The following ABR variants were observed in gnomAD, a reference collection of about 807,000 sequenced individuals.
ABR encodes the protein active breakpoint cluster region-related protein.
Under a neutral mutation model 107.2 loss-of-function variants are expected in ABR, and 35 were observed. That is an observed-to-expected ratio of 0.33 (90% CI 0.25 to 0.43). The LOEUF (loss-of-function observed/expected upper bound fraction) is 0.43, where lower values mean the gene tolerates loss of function less well. Among genes scored for constraint, ABR ranks in the 20% least tolerant of loss-of-function variants. ABR has a pLI of 1.00. For synonymous variants in ABR, 498 were observed against 462.0 expected (o/e 1.08, Z -1.00); for missense variants, 815 against 1,115.2 (o/e 0.73, Z 3.83).
intron 16 of ABR, among the ~76,000 whole-genome samples, chr17:1,043,577 A>G (rs2031034860): frequency 6.6e-6 from 1 of 152,046 alleles, no homozygotes; most frequent in African/African-American, 2.4e-5. Context: ...CCCAGGCTGG[A>G]GTACAGTAGC....
rs551401142 is a variant in ABR, at chr17:1,079,141, G to A, written c.700+189C>T. The A allele has an allele frequency of 2.2e-5, 31 of 1,436,986 alleles. 1 individual carries two copies. The highest frequency in any genetic ancestry group is 1.9e-4 in the Admixed American group (7 of 36,532). The allele number at this position is 1,436,986 out of a possible 1,614,324, so 89.0% of individuals were successfully genotyped here. ...TGTAGCTGGCTGGCTGCCTGGGCAC[G>A]AGGCTAGAGTCCTCGCGTGCGCGCA... On this transcript the variant is annotated intron_variant, in intron 6 of 22. Transcript: ENST00000302538.
intron 16 of ABR, among the ~76,000 whole-genome samples, chr17:1,034,642 G>A (rs2073033283): frequency 6.6e-6 from 1 of 152,082 alleles, no homozygotes; most frequent in African/African-American, 2.4e-5. Flanking sequence ...CTGGGTCCCA[G>A]CTTTACTCTA....
At chr17:1,023,373 C>A (rs947333222) in intron 16 of ABR, among the ~76,000 whole-genome samples, 1 of 152,238 alleles carries the variant, frequency 6.6e-6, no homozygotes, top group African/African-American at 2.4e-5. Flanking sequence ...TCAGGGCCAG[C>A]CCACCCCACC....
In ABR at chr17:1,125,180, T is replaced by C; in HGVS notation, c.246+3A>G. 1 of 1,569,592 alleles carries C rather than the reference T, an allele frequency of 6.4e-7. No homozygotes were observed. The highest frequency in any genetic ancestry group is 1.2e-5 in the South Asian group (1 of 85,120). ...ACCCAGAAAGAAAAGCCGGTGTACC[T>C]ACCCCAGGAGCCAGTCCCTCAGGTG... On this transcript the variant is annotated splice_donor_region_variant and intron_variant, in intron 2 of 22. Transcript: ENST00000302538.
intron 16 of ABR, among the ~76,000 whole-genome samples, chr17:1,035,681 G>C (rs760392534): frequency 1.3e-5 from 1 of 78,196 alleles, no homozygotes; most frequent in Non-Finnish European, 2.5e-5. Flanking sequence ...AGACTCCCCC[G>C]GCTGGATAAA....
At chr17:1,053,738 C>T (rs1337745416) in intron 14 of ABR, among the ~76,000 whole-genome samples, 4 of 152,110 alleles carry the variant, frequency 2.6e-5, no homozygotes, top group Admixed American at 6.5e-5. Context: ...CCGGCTCTGA[C>T]ACCCGCCCAG....
At position 1,058,716 on chromosome 17, in the gene ABR, G is replaced by C. The variant is rs201061780; in HGVS notation, c.1305+29C>G. On this transcript the variant is annotated intron_variant, in intron 11 of 22. Transcript: ENST00000302538. ...GCTGCTCTGGACTAAGGAAGGGGCT[G>C]TCTTGGTCCCACCCCCACCCATCCT... 2.5e-6 allele frequency: 4 copies of C among 1,612,436 alleles called. No homozygotes were observed. In the East Asian group the frequency reaches 6.7e-5, roughly 27 times the overall value.
At chr17:1,061,342 G>A (rs922664843) in intron 10 of ABR, among the ~76,000 whole-genome samples, 1 of 152,190 alleles carries the variant, frequency 6.6e-6, no homozygotes, top group Non-Finnish European at 1.5e-5. Flanking sequence ...TCAGGAGGGG[G>A]ACAGCTGTGC....
At chr17:1,020,334 C>A (rs542620862) in intron 16 of ABR, among the ~76,000 whole-genome samples, 1 of 152,208 alleles carries the variant, frequency 6.6e-6, no homozygotes, top group Non-Finnish European at 1.5e-5. Context: ...CCACCCGCCT[C>A]GGCCTCCCAA....
chr17:1,018,156 C>T lies in ABR; in HGVS notation c.1792-4992G>A, dbSNP rs1426234996. Among the ~76,000 whole-genome samples, 7 of 152,258 alleles carry T rather than the reference C, an allele frequency of 4.6e-5. No individual in the cohort carries two copies. In the East Asian group the frequency reaches 7.7e-4, roughly 17 times the overall value. On this transcript the variant is annotated intron_variant, in intron 16 of 22. Transcript: ENST00000302538. ...CTCCCGGGTTCACGCCATTCTCCTG[C>T]CTCAGCCTCCTGAGTAGCTGGGACT...
chr17:1,214,249 G>A (rs1209789974), intron 1 of ABR, among the ~76,000 whole-genome samples: 1 of 145,470 alleles, frequency 6.9e-6, no homozygotes, highest in African/African-American at 2.6e-5. Flanking sequence ...TAAACCTAAA[G>A]ATAAGCTAAC....
rs541314691 is a variant in ABR, at chr17:1,148,722, C to T, written c.62-23355G>A. The stretch of plus-strand genomic sequence containing the variant: ...GTGGAAAAAGTGTCTTCCACGAAGC[C>T]GGTCCCTGGTGCGCTGGTTTCACAG... On this transcript the variant is annotated intron_variant, in intron 1 of 22. Transcript: ENST00000302538. This position sits in a 1 kb window ranked among gnomAD's most constrained non-coding sequence, Gnocchi z 4.9. 2.0e-4 allele frequency among the ~76,000 whole-genome samples: 30 copies of T among 152,264 alleles called. No homozygotes were observed. The highest frequency in any genetic ancestry group is 5.2e-4 in the Admixed American group (8 of 15,294).
upstream of ABR, among the ~76,000 whole-genome samples, chr17:1,183,948 T>A (rs35772501): frequency 6.6e-6 from 1 of 152,066 alleles, no homozygotes; most frequent in African/African-American, 2.4e-5. Context: ...CGGTGGCTCA[T>A]GCCTGTAATC....
chr17:1,056,592 C>T (rs935495062), intron 13 of ABR, among the ~76,000 whole-genome samples: 3 of 152,086 alleles, frequency 2.0e-5, no homozygotes, highest in Non-Finnish European at 4.4e-5. Flanking sequence ...CTGCTCAAAA[C>T]CCCCCCAGAC....
At chr17:1,223,605 T>C (rs9747893) in intron 1 of ABR, among the ~76,000 whole-genome samples, 69,112 of 151,916 alleles carry the variant, frequency 0.45, 16,202 homozygotes, top group Middle Eastern at 0.51. Flanking sequence ...CACCTGTATT[T>C]GTCCGTGTTC....
At chr17:1,213,971 T>A (rs548881246) in intron 1 of ABR, among the ~76,000 whole-genome samples, 32 of 152,064 alleles carry the variant, frequency 2.1e-4, no homozygotes, top group African/African-American at 6.5e-4. Flanking sequence ...CACTGCATCC[T>A]CCGCCTCCCG....
At chr17:1,225,203 G>A (rs1033299555) in intron 1 of ABR, among the ~76,000 whole-genome samples, 8 of 150,424 alleles carry the variant, frequency 5.3e-5, no homozygotes, top group African/African-American at 2.0e-4. Context: ...TCACTGTATC[G>A]CCCAGGCTGG....
chr17:1,149,343 A>C (rs2151523926), intron 1 of ABR, among the ~76,000 whole-genome samples: 1 of 151,862 alleles, frequency 6.6e-6, no homozygotes, highest in Non-Finnish European at 1.5e-5. Context: ...CCTGGAGCCC[A>C]CCCAGCTTCT....
chr17:1,130,677 T>G (rs1167465157), intron 1 of ABR, among the ~76,000 whole-genome samples: 2 of 152,184 alleles, frequency 1.3e-5, no homozygotes, highest in Non-Finnish European at 2.9e-5. Flanking sequence ...ACATTCTTTG[T>G]AGATGTGAAT....
Sources: allele counts gnomAD v4.1 joint callset (sites outside exome capture counted in the v4.1 genomes callset), GRCh38; gene constraint gnomAD v4.1.1; non-coding constraint Gnocchi (gnomAD v3.1); transcripts MANE v1.5; gene names NCBI Gene and HGNC (gene_info 2026-07-23, HGNC 2026-07-21).